Variants in PLEKHA5 observed in about 807,000 individuals in gnomAD.
PLEKHA5 encodes pleckstrin homology domain-containing family A member 5.
In PLEKHA5, 55 loss-of-function variants were observed where a neutral mutation model predicts 181.9. The observed-to-expected ratio is 0.30, with a 90% confidence interval of 0.24 to 0.38. The LOEUF (loss-of-function observed/expected upper bound fraction) is 0.38, where lower values mean the gene tolerates loss of function less well. PLEKHA5 is among the 10% of genes least tolerant of loss of function. PLEKHA5 has a pLI of 1.00. For missense variants in PLEKHA5, 1,432 were observed against 1,549.5 expected, an observed-to-expected ratio of 0.92 and a Z score of 1.27; for synonymous variants, 535 against 529.4, an observed-to-expected ratio of 1.01 and a Z score of -0.15.
intron 20 of PLEKHA5, among the ~76,000 whole-genome samples, 153 bp from the exon 21 acceptor site, chr12:19,336,362 A>T (rs1455490712): frequency 1.3e-5 from 2 of 152,214 alleles, no homozygotes; most frequent in Non-Finnish European, 2.9e-5. Context: ...TGTTGAATTG[A>T]GTTTTAAAAA....
intron 3 of PLEKHA5, among the ~76,000 whole-genome samples, chr12:19,244,710 C>T (rs2063326955): frequency 6.6e-6 from 1 of 152,178 alleles, no homozygotes; most frequent in Non-Finnish European, 1.5e-5. Context: ...GAAATCTCTT[C>T]TGTGGGATTC....
chr12:19,348,581 A>G, intron 25 of PLEKHA5, 62 bp downstream of exon 25: 2 of 1,266,992 alleles, frequency 1.6e-6, no homozygotes, highest in Non-Finnish European at 2.1e-6. Context: ...TTACTGCCAA[A>G]ATAGTAGTAA....
intron 3 of PLEKHA5, among the ~76,000 whole-genome samples, chr12:19,193,128 T>G (rs2051626648): frequency 6.6e-6 from 1 of 152,198 alleles, no homozygotes; most frequent in Non-Finnish European, 1.5e-5. Flanking sequence ...TTGGAGTGTT[T>G]ATGAGGTGCA....
At chr12:19,363,068 A>C (rs984361869) in intron 29 of PLEKHA5, among the ~76,000 whole-genome samples, 2 of 151,810 alleles carry the variant, frequency 1.3e-5, no homozygotes, top group African/African-American at 2.4e-5. Flanking sequence ...GTCTCATAAG[A>C]GTTCCAGAAA....
At chr12:19,138,114 T>A (rs772322311) in intron 3 of PLEKHA5, among the ~76,000 whole-genome samples, 1 of 152,160 alleles carries the variant, frequency 6.6e-6, no homozygotes, top group Non-Finnish European at 1.5e-5. Context: ...AGACAGGGCC[T>A]TACATAGGAC....
rs1348462253 is a variant in PLEKHA5, at chr12:19,317,354, CTCTT to C, written c.2118+2462_2118+2465del. Among the ~76,000 whole-genome samples, 8 of 151,430 alleles carry C rather than the reference CTCTT, an allele frequency of 5.3e-5. No homozygotes were observed. In the East Asian group the frequency reaches 1.6e-3, roughly 29 times the overall value. Reference sequence around the variant, plus strand: ...GGTGGGTGACAGAATGAGATACTATCTCTTTTTTTTTTTTTTTAAGCATTCTGTA... The same window carrying C: ...GGTGGGTGACAGAATGAGATACTATCTTTTTTTTTTTTTAAGCATTCTGTA... On this transcript the variant is annotated intron_variant, in intron 16 of 31. Transcript: ENST00000429027.
intron 21 of PLEKHA5, among the ~76,000 whole-genome samples, chr12:19,341,828 C>G (rs959045478): frequency 6.6e-6 from 1 of 151,994 alleles, no homozygotes; most frequent in African/African-American, 2.4e-5. Flanking sequence ...TTCCCCCAGG[C>G]TCAAGTGATC....
chr12:19,287,688 A>G, intron 13 of PLEKHA5, 132 bp downstream of exon 13: 1 of 619,124 alleles, frequency 1.6e-6, no homozygotes, highest in South Asian at 2.1e-5. Flanking sequence ...CTTTTGTGCA[A>G]GAGATGCTCA....
chr12:19,246,306 AC>A (rs1376091862), intron 3 of PLEKHA5, among the ~76,000 whole-genome samples: 1 of 151,576 alleles, frequency 6.6e-6, no homozygotes, highest in Non-Finnish European at 1.5e-5. Context: ...ATGTAACATT[AC>A]TTGAATTTTT....
intron 27 of PLEKHA5, among the ~76,000 whole-genome samples, chr12:19,358,931 TC>T (rs2153230523): frequency 6.6e-6 from 1 of 152,328 alleles, no homozygotes; most frequent in South Asian, 2.1e-4. Flanking sequence ...CCATTTTGTT[TC>T]TTTTTGTTTT....
intron 3 of PLEKHA5, among the ~76,000 whole-genome samples, chr12:19,239,381 A>C (rs2062027990): frequency 6.6e-6 from 1 of 152,116 alleles, no homozygotes; most frequent in African/African-American, 2.4e-5. Flanking sequence ...CACTCTGCTC[A>C]CAATGTCACT....
At chr12:19,214,943 C>T (rs1328408242) in intron 3 of PLEKHA5, among the ~76,000 whole-genome samples, 2 of 151,670 alleles carry the variant, frequency 1.3e-5, no homozygotes, top group South Asian at 2.1e-4. Context: ...TTTGGGAGGC[C>T]GAGGTGGGCG....
At chr12:19,251,644 A>G (rs1003378239) in intron 3 of PLEKHA5, among the ~76,000 whole-genome samples, 6 of 151,094 alleles carry the variant, frequency 4.0e-5, no homozygotes, top group African/African-American at 1.5e-4. Context: ...GTTGTGCTCA[A>G]ATTGTTCCTT....
intron 3 of PLEKHA5, among the ~76,000 whole-genome samples, chr12:19,174,199 G>A (rs181216648): frequency 6.7e-4 from 102 of 152,282 alleles, no homozygotes; most frequent in African/African-American, 2.4e-3. Context: ...CCTGTAAGGG[G>A]CATGGTACTA....
chr12:19,193,044 CTATCTG>C (rs1284321857), intron 3 of PLEKHA5, among the ~76,000 whole-genome samples: 3 of 152,182 alleles, frequency 2.0e-5, no homozygotes, highest in African/African-American at 7.2e-5. Flanking sequence ...GAAATATTTA[CTATCTG>C]GTCCTGTACA....
At chr12:19,293,589 A>T (rs973418268) in intron 15 of PLEKHA5, among the ~76,000 whole-genome samples, 2 of 152,186 alleles carry the variant, frequency 1.3e-5, no homozygotes, top group African/African-American at 4.8e-5. Flanking sequence ...AAATAGTCCT[A>T]AAAAATAGGT....
Position 19,322,580 on chromosome 12 carries a change from A to G in PLEKHA5, c.2361A>G (p.Pro787=). 1 of 1,613,826 alleles carries G rather than the reference A, an allele frequency of 6.2e-7. No homozygotes were observed. The highest frequency in any genetic ancestry group is 8.5e-7 in the Non-Finnish European group (1 of 1,179,682). Reference sequence around the variant, plus strand: ...AGATAGAAATGCATGCAGATAACCCAGCAGCCATTCAGACAGTGGTGTTAC... The same window carrying G: ...AGATAGAAATGCATGCAGATAACCCGGCAGCCATTCAGACAGTGGTGTTAC... The part of the protein sequence containing the change: ...SQEIEMHADN[P]AAIQTVVLQR... Residue 787 remains proline, a synonymous_variant, in exon 20 of 32, where the codon CCA becomes CCG. Transcript: ENST00000429027.
chr12:19,313,816 A>G (rs2087496330), intron 15 of PLEKHA5, among the ~76,000 whole-genome samples: 1 of 152,172 alleles, frequency 6.6e-6, no homozygotes, highest in Admixed American at 6.5e-5. Flanking sequence ...GACTGAAAAT[A>G]TAATTGTCTA....
intron 20 of PLEKHA5, among the ~76,000 whole-genome samples, chr12:19,330,204 AG>A (rs1202419093): frequency 6.6e-6 from 1 of 152,200 alleles, no homozygotes; most frequent in Non-Finnish European, 1.5e-5. Flanking sequence ...CTTTGAGATG[AG>A]AAGTTAGTTT....
Sources: gnomAD v4.1 joint callset for allele counts (sites outside exome capture counted in the v4.1 genomes callset) on GRCh38, gnomAD v4.1.1 for gene constraint, MANE v1.5 for transcripts, NCBI Gene and HGNC (gene_info 2026-07-23, HGNC 2026-07-21) for gene names.